Variants in HTR2C observed in about 807,000 individuals in gnomAD.
HTR2C encodes 5-hydroxytryptamine receptor 2C.
A neutral mutation model predicts 21.0 loss-of-function variants in HTR2C; 5 were observed. The observed-to-expected ratio is 0.24, with a 90% CI of 0.12 to 0.50. The LOEUF is 0.50. Ranked by LOEUF, HTR2C falls within the 20% of genes least tolerant of loss-of-function variation. The pLI, the probability that HTR2C is intolerant of heterozygous loss-of-function variation, is 0.98. For synonymous variants in HTR2C, 150 were observed against 145.3 expected (o/e 1.03, Z -0.23); for missense variants, 271 against 371.2 (o/e 0.73, Z 2.22).
intron 2 of HTR2C, among the ~76,000 whole-genome samples, chrX:114,702,423 AG>A (rs1932562341): frequency 9.1e-6 from 1 of 109,953 alleles, no homozygotes; most frequent in Non-Finnish European, 1.9e-5. Flanking sequence ...CTTAAAGAAA[AG>A]AATTTTCAAC....
intron 5 of HTR2C, among the ~76,000 whole-genome samples, chrX:114,868,017 AT>A (rs375601122): frequency 2.3e-4 from 25 of 107,528 alleles, no homozygotes; most frequent in South Asian, 7.9e-4. Context: ...AAATTTTAGA[AT>A]TTTTTTTTTC....
At chrX:114,790,702 C>G (rs1196267839) in intron 4 of HTR2C, among the ~76,000 whole-genome samples, 1 of 111,804 alleles carries the variant, frequency 8.9e-6, no homozygotes, top group Admixed American at 9.5e-5. Flanking sequence ...TTCTTTCTCT[C>G]ATTTAGAAAA....
chrX:114,821,418 T>C (rs1719317603), intron 4 of HTR2C, among the ~76,000 whole-genome samples: 1 of 111,783 alleles, frequency 8.9e-6, no homozygotes, highest in Non-Finnish European at 1.9e-5. Context: ...ATTTAGATTT[T>C]AATAATTGTT....
intron 2 of HTR2C, among the ~76,000 whole-genome samples, chrX:114,669,386 A>G (rs781954378): frequency 2.9e-4 from 32 of 112,006 alleles, no homozygotes; most frequent in Non-Finnish European, 5.4e-4. Context: ...ATAAAGCCTA[A>G]TTCCCTTTTG....
chrX:114,763,960 A>G (rs2069909156), intron 4 of HTR2C, among the ~76,000 whole-genome samples: 1 of 111,971 alleles, frequency 8.9e-6, no homozygotes, highest in Non-Finnish European at 1.9e-5. Context: ...TTCTAAATAC[A>G]AAAAGAATAA....
At chrX:114,847,026 C>T (rs1275865241) in intron 4 of HTR2C, among the ~76,000 whole-genome samples, 1 of 110,602 alleles carries the variant, frequency 9.0e-6, no homozygotes, top group Admixed American at 9.6e-5. Context: ...CTATTTACAA[C>T]AGCTTCCAAA....
At chrX:114,704,345 A>C (rs1490173327) in intron 2 of HTR2C, among the ~76,000 whole-genome samples, 3 of 111,489 alleles carry the variant, frequency 2.7e-5, no homozygotes, top group Admixed American at 9.6e-5. Context: ...GCAGCACATC[A>C]AAAAGCTTAT....
chrX:114,736,068 G>A (rs1378095694), intron 4 of HTR2C, among the ~76,000 whole-genome samples: 4 of 109,325 alleles, frequency 3.7e-5, no homozygotes, highest in South Asian at 4.0e-4. Flanking sequence ...AGCCGAGATC[G>A]CGCCACTGCA....
chrX:114,687,679 ACT>A (rs1226889203), intron 2 of HTR2C, among the ~76,000 whole-genome samples: 30 of 111,953 alleles, frequency 2.7e-4, no homozygotes, highest in African/African-American at 9.1e-4. Context: ...TAAAAATATT[ACT>A]GTTTTTTAAT....
intron 4 of HTR2C, among the ~76,000 whole-genome samples, chrX:114,798,886 T>C (rs782652343): frequency 1.8e-5 from 2 of 110,793 alleles, no homozygotes; most frequent in African/African-American, 6.5e-5. Context: ...TCCTGTTAAT[T>C]AAGTAGCTAA....
At chrX:114,742,727 A>AAT (rs1450350902) in intron 4 of HTR2C, among the ~76,000 whole-genome samples, 31 of 71,339 alleles carry the variant, frequency 4.3e-4, no homozygotes, top group African/African-American at 1.3e-3. Context: ...TTTTTTTTTA[A>AAT]TTTTTTTTTT....
At chrX:114,591,057 C>T (rs1483390444) in intron 1 of HTR2C, among the ~76,000 whole-genome samples, 1 of 111,649 alleles carries the variant, frequency 9.0e-6, no homozygotes, top group Non-Finnish European at 1.9e-5. Flanking sequence ...TAATGAATTG[C>T]TCTGAGTGAT....
chrX:114,820,464 T>C (rs2070622354), intron 4 of HTR2C, among the ~76,000 whole-genome samples: 1 of 110,559 alleles, frequency 9.0e-6, no homozygotes, highest in Non-Finnish European at 1.9e-5. Context: ...TTATCAGTCA[T>C]ATATACATGA....
intron 5 of HTR2C, among the ~76,000 whole-genome samples, chrX:114,905,570 G>A (rs1016617382): frequency 1.8e-5 from 2 of 111,623 alleles, no homozygotes; most frequent in Non-Finnish European, 3.8e-5. Flanking sequence ...AGTTCATGAT[G>A]TAGACACCTA....
intron 1 of HTR2C, among the ~76,000 whole-genome samples, chrX:114,606,920 G>A (rs919582164): frequency 2.7e-5 from 3 of 109,633 alleles, no homozygotes; most frequent in Admixed American, 9.6e-5. Flanking sequence ...GGGTGGGGCC[G>A]TTTTATAGGA....
At chrX:114,718,727 A>T (rs904416061) in intron 2 of HTR2C, among the ~76,000 whole-genome samples, 5 of 109,223 alleles carry the variant, frequency 4.6e-5, no homozygotes, top group Non-Finnish European at 9.5e-5. Flanking sequence ...GTATTTAGTG[A>T]CTAGTGATCC....
intron 4 of HTR2C, among the ~76,000 whole-genome samples, chrX:114,779,654 G>A (rs1556440075): frequency 1.8e-5 from 2 of 111,845 alleles, no homozygotes; most frequent in African/African-American, 6.5e-5. Flanking sequence ...GAAGGCCACA[G>A]GGATATTTTC....
chrX:114,772,496 C>T (rs1283021156), intron 4 of HTR2C, among the ~76,000 whole-genome samples: 1 of 109,222 alleles, frequency 9.2e-6, no homozygotes, highest in Non-Finnish European at 1.9e-5. Context: ...GTGGGGGGGC[C>T]TTGATTCTGA....
intron 1 of HTR2C, among the ~76,000 whole-genome samples, chrX:114,608,211 T>G (rs1426269645): frequency 8.9e-6 from 1 of 111,749 alleles, no homozygotes; most frequent in Non-Finnish European, 1.9e-5. Flanking sequence ...ATCTGCTTTT[T>G]CCTTCGAAGT....
Sources: allele counts gnomAD v4.1 joint callset (sites outside exome capture counted in the v4.1 genomes callset), GRCh38; gene constraint gnomAD v4.1.1; transcripts MANE v1.5; gene names NCBI Gene and HGNC (gene_info 2026-07-23, HGNC 2026-07-21).